VWA8: variants seen among roughly 807,000 people sequenced by gnomAD.
VWA8 encodes von Willebrand factor A domain-containing protein 8.
In VWA8, 221 loss-of-function variants were observed where a neutral mutation model predicts 241.5. That is an observed-to-expected ratio of 0.91 (90% CI 0.82 to 1.02). The LOEUF (loss-of-function observed/expected upper bound fraction) is 1.02. VWA8 is among the 50% of genes least tolerant of loss of function. The pLI, the probability that VWA8 is intolerant of heterozygous loss-of-function variation, is 0.00. For synonymous variants in VWA8, 852 were observed against 827.1 expected (o/e 1.03, Z -0.52); for missense variants, 2,322 against 2,328.7 (o/e 1.00, Z 0.06).
chr13:41,782,695 AAT>A (rs1423388286), intron 19 of VWA8, among the ~76,000 whole-genome samples: 4 of 152,192 alleles, frequency 2.6e-5, no homozygotes, highest in Admixed American at 2.0e-4. Context: ...TATTAAGAAT[AAT>A]ATGTCTAGAT....
At chr13:41,636,282 A>G (rs1029174089) in intron 37 of VWA8, among the ~76,000 whole-genome samples, 1 of 152,178 alleles carries the variant, frequency 6.6e-6, no homozygotes, top group Non-Finnish European at 1.5e-5. Context: ...GCATATCTAC[A>G]ACTATCTGAT....
chr13:41,574,553 AAAG>A (rs2044338986), intron 43 of VWA8, among the ~76,000 whole-genome samples: 1 of 152,220 alleles, frequency 6.6e-6, no homozygotes, highest in Non-Finnish European at 1.5e-5. Context: ...ATTATTTTTC[AAAG>A]AACTAGAAAA....
At position 41,904,425 on chromosome 13, in the gene VWA8, A is replaced by G. The variant is rs191175526; in HGVS notation, c.483+3161T>C. ...CTGACTCCTCACCTCTACTTAGGTC[A>G]TTGTTCCAGCTTCTAATCCCTTTAC... is the stretch of plus-strand genomic sequence containing the variant. On this transcript the variant is annotated intron_variant, in intron 4 of 44. Transcript: ENST00000379310. 1.7e-3 allele frequency among the ~76,000 whole-genome samples: 258 copies of G among 152,242 alleles called. 2 individuals are homozygous for G. Among genetic ancestry groups the G allele is most frequent in the African/African-American group, 5.7e-3 (237 of 41,542 alleles).
Position 41,949,998 on chromosome 13 carries a change from A to G in VWA8, c.179T>C (p.Ile60Thr), listed in dbSNP as rs745812712. Reference protein sequence around the residue: ...SGADTGDTVNIGDVSYKLKIP... With the variant: ...SGADTGDTVNTGDVSYKLKIP... ...TTTCAACTTGTAGGATACATCTCCA[A>G]TATTAACTGTATCACCTAAAAAGAG... Residue 60 changes from isoleucine to threonine, a missense_variant, in exon 2 of 45, where the codon ATT becomes ACT. Physicochemically the swap from Ile to Thr is moderately conservative, Grantham distance 89. Transcript: ENST00000379310. 7.2e-5 allele frequency: 115 copies of G among 1,587,640 alleles called. No homozygotes were observed. The highest frequency in any genetic ancestry group is 9.5e-5 in the Non-Finnish European group (111 of 1,163,260).
intron 44 of VWA8, 109 bp downstream of exon 44, chr13:41,570,359 C>T: frequency 1.0e-6 from 1 of 960,236 alleles, no homozygotes; most frequent in Admixed American, 2.3e-5. Context: ...TTCTGTTTTT[C>T]CTCCATCTGC....
Position 41,890,695 on chromosome 13 carries a change from TA to T in VWA8, c.651+724del, listed in dbSNP as rs555554807. On this transcript the variant is annotated intron_variant, in intron 5 of 44. Coordinates refer to ENST00000379310, the MANE Select transcript of VWA8 (RefSeq NM_015058.2). The stretch of plus-strand genomic sequence containing the variant: ...CAAAAATCCCTGCCCTTGTGAAACT[TA>T]TATTCTAGTAGAGGGAAGCAGACAA... Among the ~76,000 whole-genome samples, 262 of 152,340 alleles carry T rather than the reference TA, an allele frequency of 1.7e-3. 2 individuals are homozygous for T. Among genetic ancestry groups the T allele is most frequent in the African/African-American group, 5.8e-3 (241 of 41,590 alleles).
rs535051041 is a variant in VWA8 at position 41,825,123 on chromosome 13, T to C, written c.1700+5406A>G. 3.3e-5 allele frequency among the ~76,000 whole-genome samples: 5 copies of C among 152,346 alleles called. No individual in the cohort carries two copies. In the South Asian group the frequency reaches 1.0e-3, roughly 32 times the overall value. ...TGCAGTCTAACACTAAAAAACTGCATTGTGTTTATTTATTTACATATCTGT... is the reference window on the plus strand; with the variant it reads ...TGCAGTCTAACACTAAAAAACTGCACTGTGTTTATTTATTTACATATCTGT... On this transcript the variant is annotated intron_variant, in intron 14 of 44. Transcript: ENST00000379310.
chr13:41,648,861 C>T (rs1027266624), intron 37 of VWA8, among the ~76,000 whole-genome samples: 1 of 152,198 alleles, frequency 6.6e-6, no homozygotes, highest in Non-Finnish European at 1.5e-5. Flanking sequence ...AAATATTAGG[C>T]TAATGGTTTC....
rs367898232 is a variant in VWA8 at position 41,570,611 on chromosome 13, A to C, written c.5466T>G (p.Asp1822Glu). Residue 1822 changes from aspartate (D) to glutamate (E), a missense_variant, in exon 44 of 45, where the codon GAT becomes GAG. Coordinates refer to ENST00000379310, the MANE Select transcript of VWA8 (RefSeq NM_015058.2). ...AIKEIVKEEA[D>E]EYFVIVLSDA... ...CACTCAAGACTATGACAAAGTACTC[A>C]TCAGCTTCTTCTTTGACAATTTCCT... The C allele has an allele frequency of 6.7e-5, 108 of 1,614,148 alleles. No homozygotes were observed. Among genetic ancestry groups the C allele is most frequent in the Non-Finnish European group, 1.5e-5 (18 of 1,180,048 alleles).
At chr13:41,721,000 G>C (rs955523495) in intron 25 of VWA8, among the ~76,000 whole-genome samples, 12 of 152,030 alleles carry the variant, frequency 7.9e-5, no homozygotes, top group Non-Finnish European at 1.6e-4. Context: ...GTCTCCATGT[G>C]ATTTGCTTCA....
At chr13:41,890,229 G>C (rs920894833) in intron 5 of VWA8, among the ~76,000 whole-genome samples, 6 of 152,160 alleles carry the variant, frequency 3.9e-5, no homozygotes, top group African/African-American at 1.4e-4. Flanking sequence ...AGTGTGTTCT[G>C]GGCTCATATT....
chr13:41,727,330 G>T lies in VWA8; in HGVS notation c.2639-17C>A, dbSNP rs931045656. ...TAGCAGAATCTGAAAAACAAAATTT[G>T]TTTATTCTTTATCAATATTTAATAA... On this transcript the variant is annotated splice_polypyrimidine_tract_variant and intron_variant, in intron 23 of 44. Transcript: ENST00000379310. The T allele has an allele frequency of 3.5e-6, 5 of 1,415,854 alleles. No individual in the cohort carries two copies. The African/African-American group carries it at 7.4e-5, about 21-fold the overall frequency. 87.7% of individuals were successfully genotyped at this position (1,415,854 alleles called of 1,614,324 possible). A position where few individuals can be genotyped will look rare whatever the true frequency, so the allele number is the denominator to read the frequency against.
chr13:41,798,691 G>C (rs1165625694), intron 17 of VWA8, among the ~76,000 whole-genome samples: 1 of 152,002 alleles, frequency 6.6e-6, no homozygotes, highest in African/African-American at 2.4e-5. Flanking sequence ...TTCTGTTCTG[G>C]AATTCTCCTA....
intron 37 of VWA8, among the ~76,000 whole-genome samples, chr13:41,656,058 G>A (rs1013283847): frequency 1.4e-4 from 21 of 152,136 alleles, no homozygotes; most frequent in Non-Finnish European, 7.4e-5. Flanking sequence ...CAATAATGGC[G>A]ACTATTTACT....
intron 21 of VWA8, among the ~76,000 whole-genome samples, chr13:41,745,916 T>C (rs35446367): frequency 3.4e-3 from 516 of 152,282 alleles, no homozygotes; most frequent in South Asian, 0.015. Context: ...TATCACTGAT[T>C]TCATCATAGA....
intron 9 of VWA8, among the ~76,000 whole-genome samples, chr13:41,871,870 G>A (rs4306406): frequency 0.013 from 1,997 of 152,306 alleles, 24 homozygotes; most frequent in Middle Eastern, 0.048. Flanking sequence ...AGATCCCTGA[G>A]AAATCGCCAC....
At position 41,699,265 on chromosome 13, in the gene VWA8, C is replaced by T. The variant is rs2045234915; in HGVS notation, c.3370G>A (p.Glu1124Lys). The T allele has an allele frequency of 1.2e-6, 2 of 1,613,804 alleles. No individual in the cohort carries two copies. Among genetic ancestry groups the T allele is most frequent in the East Asian group, 4.5e-5 (2 of 44,880 alleles). ...GTAACTACATAGAGAGTATTTTGCT[C>T]ATTTTCTGAAATGACAAAAAGGTGT... ...ICDIATSHEN[E>K]QNTLYVVTCN... Residue 1124 changes from glutamate (E) to lysine (K), a missense_variant, in exon 29 of 45, where the codon GAG (glutamate) becomes AAG (lysine). By Grantham distance (56) the Glu-to-Lys change is moderately conservative. Coordinates refer to ENST00000379310, the MANE Select transcript of VWA8 (RefSeq NM_015058.2).
chr13:41,921,217 G>T (rs1332391667), intron 2 of VWA8, among the ~76,000 whole-genome samples: 1 of 152,112 alleles, frequency 6.6e-6, no homozygotes, highest in African/African-American at 2.4e-5. Flanking sequence ...TGCAGAAAAG[G>T]CCTTCAACAA....
intron 9 of VWA8, among the ~76,000 whole-genome samples, chr13:41,875,853 C>T (rs1367394681): frequency 6.6e-6 from 1 of 152,018 alleles, no homozygotes; most frequent in African/African-American, 2.4e-5. Context: ...GAAATCTTGA[C>T]TTGTATATGC....
Sources: gnomAD v4.1 joint callset for allele counts (sites outside exome capture counted in the v4.1 genomes callset) on GRCh38, gnomAD v4.1.1 for gene constraint, MANE v1.5 for transcripts, NCBI Gene and HGNC (gene_info 2026-07-23, HGNC 2026-07-21) for gene names.